FBXL7: variants seen among roughly 807,000 people sequenced by gnomAD.
FBXL7 encodes F-box/LRR-repeat protein 7.
Under a neutral mutation model 38.3 loss-of-function variants are expected in FBXL7, and 12 were observed. That is an observed-to-expected ratio of 0.31 (90% CI 0.20 to 0.51). The LOEUF (loss-of-function observed/expected upper bound fraction) is 0.51. Ranked by LOEUF, FBXL7 falls within the 20% of genes least tolerant of loss-of-function variation. The pLI is 0.98. For missense variants in FBXL7, 567 were observed against 676.4 expected (o/e 0.84, Z 1.79); for synonymous variants, 297 against 300.9 (o/e 0.99, Z 0.13).
intron 3 of FBXL7, among the ~76,000 whole-genome samples, chr5:15,930,621 TTGTA>T (rs1742014856): frequency 6.6e-6 from 1 of 152,210 alleles, no homozygotes; most frequent in South Asian, 2.1e-4. Context: ...GATATCTGTC[TTGTA>T]TGTTAACCTG....
At chr5:15,881,175 C>A (rs1351328167) in intron 2 of FBXL7, among the ~76,000 whole-genome samples, 1 of 152,022 alleles carries the variant, frequency 6.6e-6, no homozygotes, top group Admixed American at 6.5e-5. Flanking sequence ...TATCCCTCAC[C>A]ACCCCCTACC....
intron 1 of FBXL7, among the ~76,000 whole-genome samples, chr5:15,614,274 C>CTTTTT (rs375128237): frequency 3.2e-5 from 4 of 126,542 alleles, no homozygotes; most frequent in Non-Finnish European, 5.1e-5. Flanking sequence ...CTTTTCTTTT[C>CTTTTT]TTTTTTTTTT....
intron 2 of FBXL7, among the ~76,000 whole-genome samples, chr5:15,734,819 C>CAT (rs1561105069): frequency 6.6e-6 from 1 of 152,198 alleles, no homozygotes; most frequent in African/African-American, 2.4e-5. Flanking sequence ...GTAGACCTTA[C>CAT]ATATATAGAA....
chr5:15,889,885 T>TAC (rs1740829403), intron 2 of FBXL7, among the ~76,000 whole-genome samples: 1 of 152,036 alleles, frequency 6.6e-6, no homozygotes, highest in Non-Finnish European at 1.5e-5. Flanking sequence ...ACTTGTAAGA[T>TAC]ACAAACAATA....
chr5:15,569,799 A>G (rs1230150927), intron 1 of FBXL7, among the ~76,000 whole-genome samples: 1 of 152,198 alleles, frequency 6.6e-6, no homozygotes, highest in Non-Finnish European at 1.5e-5. Context: ...TTTAGCATGA[A>G]GCGTTGTTGA....
At chr5:15,664,729 C>G (rs1045829817) in intron 2 of FBXL7, among the ~76,000 whole-genome samples, 6 of 152,078 alleles carry the variant, frequency 3.9e-5, no homozygotes, top group African/African-American at 1.4e-4. Context: ...CTCAGCCTCC[C>G]AAAGTGCTGG....
chr5:15,647,240 T>C (rs911915789), intron 2 of FBXL7, among the ~76,000 whole-genome samples: 2 of 152,228 alleles, frequency 1.3e-5, no homozygotes, highest in Non-Finnish European at 1.5e-5. Context: ...ATTCTTATGG[T>C]TTAAATCGGA....
chr5:15,893,129 AAAG>A (rs1360237215), intron 2 of FBXL7, among the ~76,000 whole-genome samples: 1 of 151,858 alleles, frequency 6.6e-6, no homozygotes, highest in Non-Finnish European at 1.5e-5. Flanking sequence ...AAAAAAAAAA[AAAG>A]AAATCAAGGC....
chr5:15,534,672 A>G (rs1737529194), intron 1 of FBXL7, among the ~76,000 whole-genome samples: 1 of 152,182 alleles, frequency 6.6e-6, no homozygotes, highest in Non-Finnish European at 1.5e-5. Flanking sequence ...CTTTAGGTAA[A>G]TACCAAGGAC....
In FBXL7 at chr5:15,630,479, A is replaced by AT. The variant is rs562616295; in HGVS notation, c.127+14421dup. 4.8e-3 allele frequency among the ~76,000 whole-genome samples: 697 copies of AT among 144,814 alleles called. 3 individuals are homozygous for AT. The highest frequency in any genetic ancestry group is 0.013 in the African/African-American group (534 of 39,894). ...TGGTTTGTTTAATATGTGTGCTCAGATTTTTTTTTTTTTTGGTTCACTGAT... is the reference window on the plus strand; with the variant it reads ...TGGTTTGTTTAATATGTGTGCTCAGATTTTTTTTTTTTTTTGGTTCACTGAT... On this transcript the variant is annotated intron_variant, in intron 2 of 3. Coordinates refer to ENST00000504595, the MANE Select transcript of FBXL7 (RefSeq NM_012304.5).
intron 2 of FBXL7, among the ~76,000 whole-genome samples, chr5:15,795,573 TA>T (rs1737394335): frequency 6.6e-6 from 1 of 152,180 alleles, no homozygotes; most frequent in South Asian, 2.1e-4. Flanking sequence ...ATAGCATGAC[TA>T]ATTGGAGAGA....
At chr5:15,812,481 T>G (rs1224337955) in intron 2 of FBXL7, among the ~76,000 whole-genome samples, 1 of 152,096 alleles carries the variant, frequency 6.6e-6, no homozygotes, top group Non-Finnish European at 1.5e-5. Context: ...ATTCTGCACA[T>G]GTATCCCAGA....
At chr5:15,817,312 TA>T (rs948904250) in intron 2 of FBXL7, among the ~76,000 whole-genome samples, 6 of 151,558 alleles carry the variant, frequency 4.0e-5, no homozygotes, top group South Asian at 2.1e-4. Flanking sequence ...TTTTTTTTTT[TA>T]AAAAAGGCAA....
intron 2 of FBXL7, among the ~76,000 whole-genome samples, chr5:15,713,382 A>G (rs1416116945): frequency 6.6e-6 from 1 of 152,214 alleles, no homozygotes; most frequent in Admixed American, 6.5e-5. Flanking sequence ...CTACAATTCA[A>G]GATGAGATTT....
At chr5:15,575,438 G>T (rs1001212633) in intron 1 of FBXL7, among the ~76,000 whole-genome samples, 1 of 152,096 alleles carries the variant, frequency 6.6e-6, no homozygotes, top group South Asian at 2.1e-4. Flanking sequence ...GTGTTTTCTT[G>T]GTTGTTTTTG....
chr5:15,701,076 C>G (rs1292349489), intron 2 of FBXL7, among the ~76,000 whole-genome samples: 2 of 151,854 alleles, frequency 1.3e-5, no homozygotes, highest in African/African-American at 2.4e-5. Flanking sequence ...TAATTCAATG[C>G]AGAGGACATT....
chr5:15,688,693 T>G (rs138790028), intron 2 of FBXL7, among the ~76,000 whole-genome samples: 71 of 152,322 alleles, frequency 4.7e-4, no homozygotes, highest in Non-Finnish European at 1.0e-3. Flanking sequence ...GAAACATGAA[T>G]GGGAAACTTG....
rs953486665 is a variant in FBXL7 at position 15,617,825 on chromosome 5, A to T, written c.127+1753A>T. 1.1e-4 allele frequency among the ~76,000 whole-genome samples: 17 copies of T among 152,164 alleles called. 1 individual carries two copies. Among genetic ancestry groups the T allele is most frequent in the Middle Eastern group, 3.2e-3 (1 of 316 alleles). On this transcript the variant is annotated intron_variant, in intron 2 of 3. Transcript: ENST00000504595. Reference sequence around the variant, plus strand: ...ATAGTGCAATCCTCTCTAGTCAGAAATCTGTTTTGCCAGATTATCTATGTT... The same window carrying T: ...ATAGTGCAATCCTCTCTAGTCAGAATTCTGTTTTGCCAGATTATCTATGTT...
intron 2 of FBXL7, among the ~76,000 whole-genome samples, chr5:15,821,839 C>T (rs536261805): frequency 9.2e-5 from 14 of 152,270 alleles, no homozygotes; most frequent in South Asian, 2.1e-4. Context: ...CTGAACATCT[C>T]CAAGGTCCTC....
Sources: allele counts gnomAD v4.1 joint callset (sites outside exome capture counted in the v4.1 genomes callset), GRCh38; gene constraint gnomAD v4.1.1; transcripts MANE v1.5; gene names NCBI Gene and HGNC (gene_info 2026-07-23, HGNC 2026-07-21).